ATP9B: variants seen among roughly 807,000 people sequenced by gnomAD.
ATP9B encodes ATPase phospholipid transporting 9B, also known as probable phospholipid-transporting ATPase IIB.
A neutral mutation model predicts 146.1 loss-of-function variants in ATP9B; 110 were observed. The ratio of observed to expected loss-of-function variants is 0.75; its 90% CI spans 0.65 to 0.88. ATP9B has a LOEUF of 0.88. Ranked by LOEUF, ATP9B falls within the 40% of genes least tolerant of loss-of-function variation. The pLI, the probability that ATP9B is intolerant of heterozygous loss-of-function variation, is 0.00. For missense variants in ATP9B, 1,499 were observed against 1,496.4 expected (o/e 1.00, Z -0.03); for synonymous variants, 604 against 569.7 (o/e 1.06, Z -0.86).
chr18:79,087,155 T>A (rs537201915), intron 1 of ATP9B, among the ~76,000 whole-genome samples: 1 of 152,364 alleles, frequency 6.6e-6, no homozygotes, highest in African/African-American at 2.4e-5. Context: ...TGTGGTTTCC[T>A]CACATGGCAG....
intron 15 of ATP9B, among the ~76,000 whole-genome samples, chr18:79,308,673 G>A (rs888514746): frequency 9.1e-6 from 1 of 110,210 alleles, no homozygotes; most frequent in African/African-American, 3.2e-5. Flanking sequence ...AAGGTCAGGG[G>A]TGGTGGAGTG....
rs879498977 is a variant in ATP9B, at chr18:79,201,880, A to ATTT, written c.955-5049_955-5047dup. On this transcript the variant is annotated intron_variant, in intron 9 of 29. Coordinates refer to ENST00000426216, the MANE Select transcript of ATP9B (RefSeq NM_198531.5). ...AGCCCCTGATTTCTGATTTAAAAAAATTTTTTTTTTAATTAGCCTAGTGGG... is the reference window on the plus strand; with the variant it reads ...AGCCCCTGATTTCTGATTTAAAAAAATTTTTTTTTTTTTAATTAGCCTAGTGGG... Among the ~76,000 whole-genome samples the ATTT allele has an allele frequency of 2.4e-3, 363 of 151,356 alleles. 2 individuals are homozygous for ATTT. Among genetic ancestry groups the ATTT allele is most frequent in the South Asian group, 6.5e-3 (31 of 4,766 alleles).
intron 3 of ATP9B, among the ~76,000 whole-genome samples, chr18:79,112,299 G>T (rs2093989367): frequency 6.6e-6 from 1 of 152,124 alleles, no homozygotes; most frequent in Non-Finnish European, 1.5e-5. Context: ...ATTGTAGTGT[G>T]CTGTTTGAAT....
In ATP9B at chr18:79,126,317, G is replaced by C. The variant is rs779803905; in HGVS notation, c.609G>C (p.Arg203=). 5.0e-6 allele frequency: 8 copies of C among 1,611,812 alleles called. No homozygotes were observed. The South Asian group carries it at 8.8e-5, about 18-fold the overall frequency. The change falls in exon 5 of 30, where the codon CGG becomes CGC. Residue 203 remains arginine (R), a synonymous_variant. Transcript: ENST00000426216. ...CACGGGAAGCAATTGATGAATTTCG[G>C]CGTTTTCAGCGTGACAAGGAAGTGA... ...TMTREAIDEF[R]RFQRDKEVNS...
chr18:79,313,213 A>G (rs1321128838), intron 15 of ATP9B, among the ~76,000 whole-genome samples: 1 of 152,238 alleles, frequency 6.6e-6, no homozygotes, highest in Non-Finnish European at 1.5e-5. Context: ...TTAGTAAAAG[A>G]GAATCTGAGC....
chr18:79,149,812 G>A (rs184969600), intron 6 of ATP9B, among the ~76,000 whole-genome samples: 2 of 152,152 alleles, frequency 1.3e-5, no homozygotes, highest in African/African-American at 4.8e-5. Flanking sequence ...GCCAGGCACA[G>A]TGGCTCACAC....
chr18:79,157,750 GGTTATCTAATCCACTTTAT>G (rs2094816866), intron 7 of ATP9B, among the ~76,000 whole-genome samples: 1 of 152,002 alleles, frequency 6.6e-6, no homozygotes, highest in Non-Finnish European at 1.5e-5. Flanking sequence ...ACTTTATCTA[GGTTATCTAATCCACTTTAT>G]CTAGGTTATC....
chr18:79,213,911 T>C lies in ATP9B; in HGVS notation c.1031-51T>C, dbSNP rs768101570. ...AACAATTAATTAGAAAGTGTTATCT[T>C]TTACTCATCTTTAAAGTATTTCTAC... On this transcript the variant is annotated intron_variant, in intron 10 of 29. Transcript: ENST00000426216. 15 of 1,306,852 alleles carry C rather than the reference T, an allele frequency of 1.1e-5. 1 individual carries two copies. Among genetic ancestry groups the C allele is most frequent in the Admixed American group, 1.1e-4 (5 of 44,984 alleles). The allele number at this position is 1,306,852 out of a possible 1,614,324, so 81.0% of individuals were successfully genotyped here. A position where few individuals can be genotyped will look rare whatever the true frequency, so the allele number is the denominator to read the frequency against.
chr18:79,373,489 G>A (rs981950232), intron 27 of ATP9B, among the ~76,000 whole-genome samples: 3 of 129,162 alleles, frequency 2.3e-5, no homozygotes, highest in African/African-American at 5.8e-5. Context: ...GCCATTATCC[G>A]CCTTTTTTTT....
chr18:79,227,936 T>G (rs939655403), intron 11 of ATP9B, among the ~76,000 whole-genome samples: 2 of 152,184 alleles, frequency 1.3e-5, no homozygotes, highest in African/African-American at 4.8e-5. Context: ...TTAAAAATGG[T>G]TTCCTTTCAT....
At chr18:79,140,957 C>G (rs2094506707) in intron 5 of ATP9B, among the ~76,000 whole-genome samples, 1 of 152,100 alleles carries the variant, frequency 6.6e-6, no homozygotes, top group Admixed American at 6.5e-5. Context: ...ACATTTATTG[C>G]TAGAAAGATT....
chr18:79,233,700 G>A (rs926230178), intron 11 of ATP9B, among the ~76,000 whole-genome samples: 2 of 152,156 alleles, frequency 1.3e-5, no homozygotes, highest in Admixed American at 1.3e-4. Flanking sequence ...GAGCAGCAGA[G>A]GGGTTAGAAG....
chr18:79,374,541 G>A (rs1310216933), intron 28 of ATP9B, among the ~76,000 whole-genome samples: 1 of 152,036 alleles, frequency 6.6e-6, no homozygotes, highest in Non-Finnish European at 1.5e-5. Flanking sequence ...AGGAGGCGCT[G>A]AGCCCCGTCG....
At chr18:79,094,304 C>G (rs2074601369) in intron 1 of ATP9B, among the ~76,000 whole-genome samples, 1 of 152,224 alleles carries the variant, frequency 6.6e-6, no homozygotes, top group Non-Finnish European at 1.5e-5. Flanking sequence ...ATTAGGGCAT[C>G]CCTCGTCCAG....
At chr18:79,262,442 G>A (rs2096153020) in intron 12 of ATP9B, among the ~76,000 whole-genome samples, 1 of 151,980 alleles carries the variant, frequency 6.6e-6, no homozygotes, top group African/African-American at 2.4e-5. Context: ...CTCTAATTGT[G>A]GAAATAGTGC....
At chr18:79,245,792 A>C (rs1211655579) in intron 11 of ATP9B, among the ~76,000 whole-genome samples, 1 of 137,546 alleles carries the variant, frequency 7.3e-6, no homozygotes, top group Non-Finnish European at 1.5e-5. Flanking sequence ...GCACCACCCT[A>C]CTGACTGAGG....
chr18:79,342,126 T>C, intron 19 of ATP9B, 142 bp from the exon 20 acceptor site: 1 of 649,070 alleles, frequency 1.5e-6, no homozygotes, highest in South Asian at 1.7e-5. Flanking sequence ...ATTGTATGTA[T>C]GGAACACATT....
chr18:79,152,636 A>T (rs553755275), intron 6 of ATP9B, among the ~76,000 whole-genome samples: 1 of 152,292 alleles, frequency 6.6e-6, no homozygotes, highest in African/African-American at 2.4e-5. Context: ...TTCAGTGGGG[A>T]AAGAACTTTT....
intron 13 of ATP9B, among the ~76,000 whole-genome samples, chr18:79,287,013 G>A (rs895139296): frequency 1.4e-4 from 22 of 152,104 alleles, no homozygotes; most frequent in African/African-American, 4.8e-4. Flanking sequence ...TGCTGGATTC[G>A]GTTTGCCAGT....
Sources: gnomAD v4.1 joint callset for allele counts (sites outside exome capture counted in the v4.1 genomes callset) on GRCh38, gnomAD v4.1.1 for gene constraint, MANE v1.5 for transcripts, NCBI Gene and HGNC (gene_info 2026-07-23, HGNC 2026-07-21) for gene names.